The following RBM19 variants were observed in gnomAD, a reference collection of about 807,000 sequenced individuals.
The protein encoded by RBM19 is RNA binding motif protein 19.
RBM19 carries 94 observed loss-of-function variants against 116.8 expected under a neutral mutation model. The observed-to-expected ratio is 0.80, with a 90% confidence interval of 0.68 to 0.95. The LOEUF (loss-of-function observed/expected upper bound fraction) is 0.95. Ranked by LOEUF, RBM19 falls within the 40% of genes least tolerant of loss-of-function variation. RBM19 has a pLI of 0.00. For missense variants in RBM19, 1,161 were observed against 1,220.7 expected (o/e 0.95, Z 0.73); for synonymous variants, 475 against 494.1 (o/e 0.96, Z 0.51).
At chr12:113,935,179 C>T (rs1460448448) in intron 16 of RBM19, among the ~76,000 whole-genome samples, 1 of 152,158 alleles carries the variant, frequency 6.6e-6, no homozygotes, top group Non-Finnish European at 1.5e-5. Context: ...CTTTGGGAGC[C>T]ACCACGTGTC....
Position 113,945,937 on chromosome 12 carries a change from G to A in RBM19, c.1530-13C>T. 2.6e-6 allele frequency: 4 copies of A among 1,537,930 alleles called. No homozygotes were observed. The highest frequency in any genetic ancestry group is 3.6e-6 in the Non-Finnish European group (4 of 1,111,206). On this transcript the variant is annotated splice_polypyrimidine_tract_variant and intron_variant, in intron 12 of 23. Coordinates refer to ENST00000261741, the MANE Select transcript of RBM19 (RefSeq NM_016196.4). Reference sequence around the variant, plus strand: ...CCAGTTGTGAGAGCTAAGAGGCAGAGGCAGAACAGGGAGATCAGACCGCAG... The same window carrying A: ...CCAGTTGTGAGAGCTAAGAGGCAGAAGCAGAACAGGGAGATCAGACCGCAG...
intron 22 of RBM19, among the ~76,000 whole-genome samples, chr12:113,849,771 T>C (rs1039101260): frequency 6.6e-6 from 1 of 152,174 alleles, no homozygotes; most frequent in Non-Finnish European, 1.5e-5. Context: ...ACCTCTGCTC[T>C]TGGGAGCACT....
At chr12:113,935,908 C>T (rs1004347240) in intron 16 of RBM19, among the ~76,000 whole-genome samples, 1 of 151,896 alleles carries the variant, frequency 6.6e-6, no homozygotes, top group East Asian at 1.9e-4. Context: ...TGGTGGTGGG[C>T]GCCTGTAGTC....
At chr12:113,952,918 TTAAGCTTGAG>T (rs1871597391) in intron 7 of RBM19, among the ~76,000 whole-genome samples, 1 of 152,202 alleles carries the variant, frequency 6.6e-6, no homozygotes, top group African/African-American at 2.4e-5. Flanking sequence ...TCACTTCTCA[TTAAGCTTGAG>T]TATTTGGTTT....
chr12:113,919,909 C>T (rs1883006214), intron 19 of RBM19, among the ~76,000 whole-genome samples: 1 of 152,158 alleles, frequency 6.6e-6, no homozygotes, highest in Non-Finnish European at 1.5e-5. Flanking sequence ...AGCCAGTGTG[C>T]TCACAGCCCC....
At chr12:113,928,353 A>AAACAAC (rs151121535) in intron 16 of RBM19, among the ~76,000 whole-genome samples, 1 of 150,848 alleles carries the variant, frequency 6.6e-6, no homozygotes, top group African/African-American at 2.4e-5. Context: ...AAAACAAAAC[A>AAACAAC]AACAACAACA....
In RBM19 at chr12:113,950,122, C is replaced by G; in HGVS notation, c.1033G>C (p.Glu345Gln). ...YIFVDFSNEE[E>Q]VKQALKCNRE... ...TTGCATTTCAGAGCTTGCTTCACTT[C>G]CTCTTCATTGCTGAAATCCACAAAG... Residue 345 changes from glutamate (E) to glutamine (Q), a missense_variant, in exon 9 of 24, where the codon GAA becomes CAA. Physicochemically the swap from Glu to Gln is conservative, Grantham distance 29. Transcript: ENST00000261741. The G allele has an allele frequency of 6.2e-7, 1 of 1,611,932 alleles. No homozygotes were observed. Among genetic ancestry groups the G allele is most frequent in the Non-Finnish European group, 8.5e-7 (1 of 1,178,134 alleles).
chr12:113,841,209 AT>A (rs999783445), intron 23 of RBM19, among the ~76,000 whole-genome samples: 25 of 152,160 alleles, frequency 1.6e-4, no homozygotes, highest in African/African-American at 6.0e-4. Flanking sequence ...AAACATGCAC[AT>A]AACAGGGCCT....
chr12:113,818,670 A>G (rs1341726424), downstream of RBM19, among the ~76,000 whole-genome samples: 1 of 152,226 alleles, frequency 6.6e-6, no homozygotes, highest in Non-Finnish European at 1.5e-5. Context: ...CAATCCAATG[A>G]GGCAGGAATT....
Position 113,844,740 on chromosome 12 carries a change from G to A in RBM19, c.2713C>T (p.Leu905=), listed in dbSNP as rs1046210394. 1.2e-6 allele frequency: 2 copies of A among 1,613,610 alleles called. No individual in the cohort carries two copies. Among genetic ancestry groups the A allele is most frequent in the Non-Finnish European group, 8.5e-7 (1 of 1,179,914 alleles). ...CHSTHLYGRR[L]VLEWADSEVT... is the part of the protein sequence containing the mutation. ...TCGGAGTCGGCCCACTCCAGCACCAGCCTCCGCCCGTACAAGTGGGTGCTG... is the reference window on the plus strand; with the variant it reads ...TCGGAGTCGGCCCACTCCAGCACCAACCTCCGCCCGTACAAGTGGGTGCTG... The change falls in exon 23 of 24, where the codon CTG becomes TTG. Residue 905 remains leucine, a synonymous_variant. Coordinates refer to ENST00000261741, the MANE Select transcript of RBM19 (RefSeq NM_016196.4).
chr12:113,934,404 C>T (rs1354251712), intron 16 of RBM19, among the ~76,000 whole-genome samples: 1 of 152,192 alleles, frequency 6.6e-6, no homozygotes, highest in Non-Finnish European at 1.5e-5. Flanking sequence ...AATCTCAGGG[C>T]CATTTCCCCA....
chr12:113,874,177 G>A (rs1412306678), intron 21 of RBM19, among the ~76,000 whole-genome samples: 2 of 152,180 alleles, frequency 1.3e-5, no homozygotes, highest in Non-Finnish European at 1.5e-5. Flanking sequence ...TTTATGGTTG[G>A]TCTTCCTTGC....
chr12:113,828,857 G>C (rs1363954126), intron 23 of RBM19, among the ~76,000 whole-genome samples: 2 of 152,190 alleles, frequency 1.3e-5, no homozygotes, highest in Non-Finnish European at 2.9e-5. Context: ...CTCCTACCCA[G>C]ATAGGTCTGC....
At chr12:113,837,694 G>T (rs896018536) in intron 23 of RBM19, among the ~76,000 whole-genome samples, 8 of 152,364 alleles carry the variant, frequency 5.3e-5, no homozygotes, top group Non-Finnish European at 1.2e-4. Flanking sequence ...GGTACAGCAG[G>T]ATGGTGGAAA....
intron 21 of RBM19, among the ~76,000 whole-genome samples, chr12:113,874,646 C>T (rs1298845457): frequency 6.6e-6 from 1 of 152,200 alleles, no homozygotes; most frequent in African/African-American, 2.4e-5. Context: ...CTGGAGCCCG[C>T]CAGCCACTGG....
intron 8 of RBM19, 94 bp downstream of exon 8, chr12:113,952,418 G>GGT: frequency 1.8e-6 from 2 of 1,137,976 alleles, no homozygotes; most frequent in Non-Finnish European, 2.6e-6. Context: ...GAAGAAAAAC[G>GGT]GGTGCCCTTA....
chr12:113,821,971 T>C (rs549919027), downstream of RBM19: 1 of 152,234 alleles, frequency 6.6e-6, no homozygotes, highest in Admixed American at 6.5e-5. Context: ...GCACAGACCA[T>C]GTTTTATGCA....
rs149867025 is a variant in RBM19 at position 113,934,980 on chromosome 12, C to T, written c.2068+2027G>A. 4.6e-5 allele frequency among the ~76,000 whole-genome samples: 7 copies of T among 152,274 alleles called. No homozygotes were observed. The East Asian group carries it at 5.8e-4, about 13-fold the overall frequency. On this transcript the variant is annotated intron_variant, in intron 16 of 23. Coordinates refer to ENST00000261741, the MANE Select transcript of RBM19 (RefSeq NM_016196.4). ...CTGGGCCCCCCGGGGTGCTGGGTAC[C>T]GGGCAGTGAAGGAGACAGCCCCATT...
In RBM19 at chr12:113,945,826, A is replaced by G. The variant is rs1157867192; in HGVS notation, c.1626+2T>C. On this transcript the variant is annotated splice_donor_variant, in intron 13 of 23. Transcript: ENST00000261741. LOFTEE classifies it high-confidence loss of function. ...AGAGAGGACTGGTCGGCCCTTACTC[A>G]CGTGGTCAAACACTTGACTCTTGGT... 1.9e-6 allele frequency: 3 copies of G among 1,543,778 alleles called. No individual in the cohort carries two copies. In the African/African-American group the frequency reaches 4.1e-5, roughly 21 times the overall value.
Sources: allele counts gnomAD v4.1 joint callset (sites outside exome capture counted in the v4.1 genomes callset), GRCh38; gene constraint gnomAD v4.1.1; transcripts MANE v1.5; gene names NCBI Gene and HGNC (gene_info 2026-07-23, HGNC 2026-07-21).